Variants in PLOD2 observed in about 807,000 individuals in gnomAD.
The protein encoded by PLOD2 is procollagen-lysine,2-oxoglutarate 5-dioxygenase 2.
A neutral mutation model predicts 101.0 loss-of-function variants in PLOD2; 65 were observed. The ratio of observed to expected loss-of-function variants is 0.64; its 90% CI spans 0.53 to 0.79. PLOD2 has a LOEUF of 0.79. Among genes scored for constraint, PLOD2 ranks in the 30% least tolerant of loss-of-function variants. The probability of loss-of-function intolerance (pLI) is 0.00; values close to 1 mark genes in which losing one functional copy is unlikely to be tolerated. For synonymous variants in PLOD2, 314 were observed against 302.9 expected (o/e 1.04, Z -0.38); for missense variants, 909 against 914.6 (o/e 0.99, Z 0.08).
At chr3:146,125,065 A>C (rs1324208413) in intron 1 of PLOD2, among the ~76,000 whole-genome samples, 1 of 142,644 alleles carries the variant, frequency 7.0e-6, no homozygotes, top group Non-Finnish European at 1.5e-5. Flanking sequence ...GTGCATCAAC[A>C]AATGCCAAAA....
intron 1 of PLOD2, among the ~76,000 whole-genome samples, chr3:146,144,228 C>G (rs571749712): frequency 6.6e-6 from 1 of 152,254 alleles, no homozygotes; most frequent in East Asian, 1.9e-4. Flanking sequence ...CTAGAATGTA[C>G]ACACCACTGA....
intron 7 of PLOD2, among the ~76,000 whole-genome samples, chr3:146,094,419 T>C (rs549384246): frequency 1.3e-5 from 2 of 152,250 alleles, no homozygotes; most frequent in East Asian, 3.9e-4. Context: ...TGTGCAAAAA[T>C]TGCAAGCATT....
At chr3:146,077,775 A>G in intron 14 of PLOD2, 87 bp downstream of exon 14, 1 of 730,100 alleles carries the variant, frequency 1.4e-6, no homozygotes, top group East Asian at 2.7e-5. Flanking sequence ...AATGCAAATA[A>G]GGCCCTTAAA....
intron 8 of PLOD2, 185 bp from the exon 9 acceptor site, chr3:146,088,896 T>A (rs576738571): frequency 5.2e-6 from 3 of 574,116 alleles, no homozygotes; most frequent in Non-Finnish European, 9.4e-6. Context: ...GCCCCCCCAA[T>A]CAAAGTGATT....
chr3:146,104,119 G>GTTAA (rs1203748487), intron 6 of PLOD2, among the ~76,000 whole-genome samples, 160 bp downstream of exon 6: 2 of 152,162 alleles, frequency 1.3e-5, no homozygotes, highest in Non-Finnish European at 2.9e-5. Context: ...ATGTACTGAT[G>GTTAA]TTAAGTTCAA....
chr3:146,091,032 G>T (rs1009421742), intron 8 of PLOD2, among the ~76,000 whole-genome samples: 7 of 151,762 alleles, frequency 4.6e-5, no homozygotes, highest in Non-Finnish European at 8.9e-5. Context: ...GCTGATGTTA[G>T]AACAAAGATA....
At chr3:146,104,195 C>T (rs907674991) in intron 6 of PLOD2, 84 bp downstream of exon 6, 7 of 834,564 alleles carry the variant, frequency 8.4e-6, no homozygotes, top group Admixed American at 1.7e-5. Context: ...TCACAGCCCC[C>T]AAATGGACAT....
chr3:146,088,711 C>CCTT lies in PLOD2; in HGVS notation c.880-3_880-1dup (p.Asp293_Val294insLys). On this transcript the variant is annotated inframe_insertion and splice_region_variant. Coordinates refer to ENST00000282903, the MANE Select transcript of PLOD2 (RefSeq NM_182943.3). ...ACACCTATTGATACGTTTGGATGGA[C>CCTT]CTTTGTTTTACACCAAACATAAAAA... is the stretch of plus-strand genomic sequence containing the variant. 6.2e-7 allele frequency: 1 copy of CCTT among 1,603,140 alleles called. No homozygotes were observed. The highest frequency in any genetic ancestry group is 1.1e-5 in the South Asian group (1 of 90,448).
chr3:146,127,954 A>G (rs2030675273), intron 1 of PLOD2, among the ~76,000 whole-genome samples: 3 of 152,180 alleles, frequency 2.0e-5, no homozygotes. Flanking sequence ...AATAGTATGG[A>G]AAGTTATCAA....
rs1937177669 is a variant in PLOD2 at position 146,096,728 on chromosome 3, A to C, written c.778-4827T>G. Among the ~76,000 whole-genome samples the C allele has an allele frequency of 2.7e-5, 4 of 147,362 alleles. No homozygotes were observed. In the South Asian group the frequency reaches 6.6e-4, roughly 24 times the overall value. On this transcript the variant is annotated intron_variant, in intron 7 of 19. Transcript: ENST00000282903. ...GGAAGTGAGGAGCGTCTCCGCCCGG[A>C]AGCCACCCCGTCCGGGAGGGAGGTG...
intron 3 of PLOD2, among the ~76,000 whole-genome samples, chr3:146,111,717 T>G (rs1226543458): frequency 1.8e-5 from 2 of 112,500 alleles, no homozygotes; most frequent in African/African-American, 7.0e-5. Flanking sequence ...TTTGCCCTGT[T>G]TATTAAAAAA....
At chr3:146,093,104 G>A (rs190943952) in intron 7 of PLOD2, among the ~76,000 whole-genome samples, 1 of 152,260 alleles carries the variant, frequency 6.6e-6, no homozygotes. Context: ...TCCTAAAGGG[G>A]ATGTTAAAGT....
intron 7 of PLOD2, among the ~76,000 whole-genome samples, chr3:146,092,983 A>G (rs180742270): frequency 3.3e-5 from 5 of 152,244 alleles, no homozygotes; most frequent in African/African-American, 1.2e-4. Context: ...TATATGATCA[A>G]TAATTTTTCA....
chr3:146,098,737 G>GA (rs1254845973), intron 7 of PLOD2, among the ~76,000 whole-genome samples: 3 of 151,956 alleles, frequency 2.0e-5, no homozygotes, highest in Admixed American at 6.6e-5. Flanking sequence ...CATTTTTAAT[G>GA]AAAAAACTGC....
chr3:146,092,773 A>C (rs186314611), intron 7 of PLOD2, among the ~76,000 whole-genome samples: 1 of 152,162 alleles, frequency 6.6e-6, no homozygotes, highest in Admixed American at 6.5e-5. Context: ...CCTCAAACAA[A>C]ATTTTTAATA....
chr3:146,086,362 GGGATTACAGTATTATCTA>G (rs1474632928), intron 10 of PLOD2: 1 of 152,786 alleles, frequency 6.5e-6, no homozygotes, highest in East Asian at 1.9e-4. Context: ...CCCGTTTCTT[GGGATTACAGTATTATCTA>G]GCTCAGTGAC....
intron 5 of PLOD2, among the ~76,000 whole-genome samples, chr3:146,104,613 A>G (rs1431774671): frequency 6.6e-6 from 1 of 152,190 alleles, no homozygotes; most frequent in Non-Finnish European, 1.5e-5. Flanking sequence ...TCTGTATCCA[A>G]TATATACAGT....
Position 146,081,781 on chromosome 3 carries a change from C to T in PLOD2, c.1315G>A (p.Ala439Thr). 1 of 1,610,000 alleles carries T rather than the reference C, an allele frequency of 6.2e-7. No individual in the cohort carries two copies. Among genetic ancestry groups the T allele is most frequent in the Middle Eastern group, 1.7e-4 (1 of 6,046 alleles). ...WGALSPDGYY[A>T]RSEDYVDIVQ... Reference sequence around the variant, plus strand: ...ATATCCACATAATCTTCAGATCGTGCATAGTATCCATCAGGACTCAATGCT... The same window carrying T: ...ATATCCACATAATCTTCAGATCGTGTATAGTATCCATCAGGACTCAATGCT... Residue 439 changes from alanine to threonine, a missense_variant, in exon 12 of 20, where the codon GCA (alanine) becomes ACA (threonine). Transcript: ENST00000282903.
Position 146,079,161 on chromosome 3 carries a change from A to G in PLOD2, c.1455T>C (p.Asp485=). The change falls in exon 13 of 20, where the codon GAT becomes GAC. Residue 485 remains aspartate (D), a synonymous_variant. Coordinates refer to ENST00000282903, the MANE Select transcript of PLOD2 (RefSeq NM_182943.3). ...EMNERNYFVR[D]KLDPDMALCR... is the part of the protein sequence containing the mutation. ...AAAGAGCCATATCAGGATCCAGTTTATCACGAACAAAATAGTTCCTTTCAT... is the reference window on the plus strand; with the variant it reads ...AAAGAGCCATATCAGGATCCAGTTTGTCACGAACAAAATAGTTCCTTTCAT... The G allele has an allele frequency of 6.2e-7, 1 of 1,612,880 alleles. No individual in the cohort carries two copies. The highest frequency in any genetic ancestry group is 2.2e-5 in the East Asian group (1 of 44,822).
Sources: allele counts gnomAD v4.1 joint callset (sites outside exome capture counted in the v4.1 genomes callset), GRCh38; gene constraint gnomAD v4.1.1; transcripts MANE v1.5; gene names NCBI Gene and HGNC (gene_info 2026-07-23, HGNC 2026-07-21).